The following PCDH15 variants were observed in gnomAD, a reference collection of about 807,000 sequenced individuals.
The protein encoded by PCDH15 is protocadherin related 15.
PCDH15 carries 129 observed loss-of-function variants against 178.5 expected under a neutral mutation model. That is an observed-to-expected ratio of 0.72 (90% CI 0.63 to 0.84). The LOEUF is 0.84. Ranked by LOEUF, PCDH15 falls within the 40% of genes least tolerant of loss-of-function variation. The pLI is 0.00. For missense variants in PCDH15, 2,230 were observed against 2,099.9 expected, an observed-to-expected ratio of 1.06 and a Z score of -1.21; for synonymous variants, 800 against 732.0, an observed-to-expected ratio of 1.09 and a Z score of -1.50.
At chr10:54,544,200 C>T (rs1208949438) in intron 2 of PCDH15, among the ~76,000 whole-genome samples, 4 of 152,084 alleles carry the variant, frequency 2.6e-5, no homozygotes, top group Admixed American at 2.6e-4. Flanking sequence ...ACTTTGGCCA[C>T]ATGCTGAAGT....
chr10:54,448,490 T>C (rs774659867), intron 3 of PCDH15, among the ~76,000 whole-genome samples: 1 of 151,608 alleles, frequency 6.6e-6, no homozygotes, highest in East Asian at 1.9e-4. Flanking sequence ...TGTTTTAGAA[T>C]AGAATAATGA....
At chr10:55,303,406 T>C (rs929166480) in intron 1 of PCDH15, among the ~76,000 whole-genome samples, 2 of 152,178 alleles carry the variant, frequency 1.3e-5, no homozygotes, top group African/African-American at 2.4e-5. Flanking sequence ...AGTTATCTCC[T>C]GTATTTTAGG....
intron 1 of PCDH15, among the ~76,000 whole-genome samples, chr10:54,790,073 C>T (rs2133541277): frequency 6.6e-6 from 1 of 151,834 alleles, no homozygotes; most frequent in Middle Eastern, 3.4e-3. Context: ...GGGATCCTTC[C>T]CCAAGTTCTG....
intron 26 of PCDH15, among the ~76,000 whole-genome samples, chr10:53,898,188 G>C (rs1002333092): frequency 5.5e-4 from 83 of 151,648 alleles, no homozygotes; most frequent in African/African-American, 1.7e-3. Flanking sequence ...AGGATGGTCT[G>C]GATCTCCTGA....
chr10:54,019,207 C>T (rs536859076), intron 20 of PCDH15, among the ~76,000 whole-genome samples: 1 of 152,116 alleles, frequency 6.6e-6, no homozygotes, highest in East Asian at 1.9e-4. Context: ...CTTACCAAAA[C>T]AAAAATTTTT....
intron 1 of PCDH15, among the ~76,000 whole-genome samples, chr10:55,257,064 A>C (rs1350781010): frequency 6.6e-6 from 1 of 152,144 alleles, no homozygotes; most frequent in Non-Finnish European, 1.5e-5. Context: ...TTTGCTGTTC[A>C]CCAATATCCA....
chr10:53,821,858 T>C, intron 32 of PCDH15: 1 of 1,612,738 alleles, frequency 6.2e-7, no homozygotes. Flanking sequence ...AAAAGCAACA[T>C]TACAGTGAAG....
intron 15 of PCDH15, among the ~76,000 whole-genome samples, chr10:54,112,919 C>A (rs556181236): frequency 6.6e-6 from 1 of 152,244 alleles, no homozygotes; most frequent in East Asian, 1.9e-4. Context: ...GTTACGTAGA[C>A]TGAAGTTTTC....
intron 12 of PCDH15, among the ~76,000 whole-genome samples, chr10:54,184,788 A>T (rs561482539): frequency 2.6e-5 from 4 of 152,272 alleles, no homozygotes; most frequent in African/African-American, 9.6e-5. Flanking sequence ...ATGACTAAAT[A>T]AAAAATGCAA....
At chr10:54,335,828 A>C (rs1284821745) in intron 6 of PCDH15, among the ~76,000 whole-genome samples, 1 of 152,176 alleles carries the variant, frequency 6.6e-6, no homozygotes, top group Non-Finnish European at 1.5e-5. Context: ...AAAAATGTGG[A>C]GGCAACTTTG....
chr10:54,664,285 G>A lies in PCDH15; in HGVS notation c.-23C>T, dbSNP rs368337958. ...CATCTTCTGTCAAAGTTCACTCAAA[G>A]CTGATCTGAAATAAGAAAAGGTAGA... On this transcript the variant is annotated 5_prime_UTR_variant, in exon 2 of 38. Transcript: ENST00000644397. The A allele has an allele frequency of 4.4e-5, 70 of 1,573,294 alleles. No individual in the cohort carries two copies. The highest frequency in any genetic ancestry group is 6.8e-5 in the African/African-American group (5 of 73,934).
At chr10:53,822,997 A>C in intron 32 of PCDH15, 2 of 1,613,988 alleles carry the variant, frequency 1.2e-6, no homozygotes, top group Non-Finnish European at 1.7e-6. Flanking sequence ...AAGCTGACTG[A>C]CTGACTCCAC....
intron 1 of PCDH15, among the ~76,000 whole-genome samples, chr10:55,316,749 G>A (rs1027964302): frequency 6.6e-6 from 1 of 151,914 alleles, no homozygotes; most frequent in Admixed American, 6.6e-5. Flanking sequence ...TGTAATACAG[G>A]CACATTAATA....
chr10:54,938,631 G>T (rs1837972586), intron 2 of PCDH15, among the ~76,000 whole-genome samples: 1 of 152,088 alleles, frequency 6.6e-6, no homozygotes, highest in Non-Finnish European at 1.5e-5. Context: ...TAGACAGAAT[G>T]ATCATTCTGC....
At chr10:54,519,417 AACAG>A (rs1423780353) in intron 3 of PCDH15, among the ~76,000 whole-genome samples, 2 of 151,656 alleles carry the variant, frequency 1.3e-5, no homozygotes, top group Non-Finnish European at 2.9e-5. Flanking sequence ...ATACACCAAT[AACAG>A]ACAAACAGAG....
chr10:55,152,319 C>T (rs914785677), intron 2 of PCDH15, among the ~76,000 whole-genome samples: 6 of 151,342 alleles, frequency 4.0e-5, no homozygotes, highest in Non-Finnish European at 8.8e-5. Flanking sequence ...ATAATAGGTC[C>T]GTATAGGTTT....
intron 3 of PCDH15, among the ~76,000 whole-genome samples, chr10:54,850,139 A>C (rs1043133771): frequency 1.3e-5 from 2 of 152,196 alleles, no homozygotes; most frequent in Non-Finnish European, 2.9e-5. Context: ...TATATATGGC[A>C]TAAAACGATT....
chr10:55,195,714 T>C (rs1840078302), intron 1 of PCDH15, among the ~76,000 whole-genome samples: 1 of 150,862 alleles, frequency 6.6e-6, no homozygotes, highest in Non-Finnish European at 1.5e-5. Context: ...ACAAAATGTA[T>C]ATCTAATAAT....
intron 2 of PCDH15, among the ~76,000 whole-genome samples, chr10:55,090,823 T>A (rs183077243): frequency 2.8e-3 from 429 of 152,192 alleles, no homozygotes; most frequent in Non-Finnish European, 4.7e-3. Context: ...GCATTTTATA[T>A]CCTTTTCTTA....
Sources: gnomAD v4.1 joint callset for allele counts (sites outside exome capture counted in the v4.1 genomes callset) on GRCh38, gnomAD v4.1.1 for gene constraint, MANE v1.5 for transcripts, NCBI Gene and HGNC (gene_info 2026-07-23, HGNC 2026-07-21) for gene names.